SYTL3: variants seen among roughly 807,000 people sequenced by gnomAD.
The protein encoded by SYTL3 is synaptotagmin-like protein 3.
Under a neutral mutation model 82.1 loss-of-function variants are expected in SYTL3, and 88 were observed. That is an observed-to-expected ratio of 1.07 (90% CI 0.90 to 1.28). SYTL3 has a LOEUF of 1.28. Among genes scored for constraint, SYTL3 ranks in the 50% most tolerant of loss-of-function variants. SYTL3 has a pLI of 0.00. For synonymous variants in SYTL3, 311 were observed against 289.4 expected, an observed-to-expected ratio of 1.07 and a Z score of -0.76; for missense variants, 831 against 757.6, an observed-to-expected ratio of 1.10 and a Z score of -1.14.
chr6:158,665,497 G>T lies in SYTL3; in HGVS notation c.213G>T (p.Gly71=). ...GTGCGCGCTGCCAGCAGGTGCTGGG[G>T]TTCCTGCTGCACCGGGGCGCCGTGT... ...KCCARCQQVL[G]FLLHRGAVCR... The change falls in exon 5 of 18, where the codon GGG becomes GGT. Residue 71 remains glycine (G), a synonymous_variant. Transcript: ENST00000611299. 3 of 1,603,148 alleles carry T rather than the reference G, an allele frequency of 1.9e-6. No homozygotes were observed. The highest frequency in any genetic ancestry group is 2.6e-6 in the Non-Finnish European group (3 of 1,175,170).
Position 158,764,840 on chromosome 6 carries a change from G to C in SYTL3, c.*236G>C, listed in dbSNP as rs1790598649. On this transcript the variant is annotated 3_prime_UTR_variant, in exon 18 of 18. Transcript: ENST00000611299. ...TCTCCTCTTTGAGATGTAGAAAATG[G>C]CCAGATTTTAATAAACGTTGTTACC... is the stretch of plus-strand genomic sequence containing the variant. 2.5e-6 allele frequency: 1 copy of C among 401,734 alleles called. No individual in the cohort carries two copies. Among genetic ancestry groups the C allele is most frequent in the South Asian group, 5.3e-5 (1 of 18,778 alleles). 24.9% of individuals were successfully genotyped at this position (401,734 alleles called of 1,614,324 possible).
At chr6:158,661,796 T>C (rs896556770) in intron 3 of SYTL3, among the ~76,000 whole-genome samples, 1 of 152,250 alleles carries the variant, frequency 6.6e-6, no homozygotes, top group African/African-American at 2.4e-5. Context: ...CCACATGATA[T>C]GTTGTAGCTA....
At chr6:158,677,304 G>T (rs1281456884) in intron 5 of SYTL3, among the ~76,000 whole-genome samples, 1 of 152,052 alleles carries the variant, frequency 6.6e-6, no homozygotes, top group Non-Finnish European at 1.5e-5. Flanking sequence ...ACTATCTCAA[G>T]GACAAAAAAC....
In SYTL3 at chr6:158,718,190, T is replaced by C; in HGVS notation, c.699T>C (p.Thr233=). 3.2e-6 allele frequency: 5 copies of C among 1,540,624 alleles called. No individual in the cohort carries two copies. The African/African-American group carries it at 4.1e-5, about 13-fold the overall frequency. Residue 233 remains threonine (T), a synonymous_variant, in exon 10 of 18, where the codon ACT becomes ACC. Transcript: ENST00000611299. ...GQTERRSQSD[T]AVNVTTRKVS... is the part of the protein sequence containing the mutation. ...CAGAGAGACGGAGCCAGTCTGACAC[T>C]GCGGTCAACGTCACCACCAGGGTAC...
intron 11 of SYTL3, among the ~76,000 whole-genome samples, chr6:158,734,706 T>A (rs1018079423): frequency 1.3e-5 from 2 of 152,168 alleles, no homozygotes; most frequent in Non-Finnish European, 2.9e-5. Context: ...GCTATAGAGT[T>A]GGCTCATCTG....
At chr6:158,727,592 G>A (rs1034008096) in intron 11 of SYTL3, among the ~76,000 whole-genome samples, 4 of 152,142 alleles carry the variant, frequency 2.6e-5, no homozygotes, top group African/African-American at 4.8e-5. Context: ...GGGCCTGGCC[G>A]GAAAAGTGTT....
chr6:158,700,589 G>T (rs960471174), intron 6 of SYTL3, among the ~76,000 whole-genome samples: 1 of 151,914 alleles, frequency 6.6e-6, no homozygotes, highest in African/African-American at 2.4e-5. Context: ...TTAAAATAGT[G>T]TTGGTTGCTA....
At chr6:158,704,375 G>T (rs1234705784) in intron 6 of SYTL3, among the ~76,000 whole-genome samples, 1 of 152,242 alleles carries the variant, frequency 6.6e-6, no homozygotes, top group Non-Finnish European at 1.5e-5. Context: ...CAGCCGGCAG[G>T]GGGCAGCAGA....
In SYTL3 at chr6:158,757,283, C is replaced by A. The variant is rs960014335; in HGVS notation, c.1210C>A (p.Arg404=). The change falls in exon 14 of 18, where the codon CGG becomes AGG. Residue 404 remains arginine (R), a synonymous_variant. Transcript: ENST00000611299. ...GGTGTGGCATCTGGGCACGCTGGCC[C>A]GGAGAGTGTTTCTTGGAGAAGTGAT... ...VSVWHLGTLA[R]RVFLGEVIIP... 6.2e-7 allele frequency: 1 copy of A among 1,613,652 alleles called. No homozygotes were observed. Among genetic ancestry groups the A allele is most frequent in the Admixed American group, 1.7e-5 (1 of 60,014 alleles).
chr6:158,701,815 G>A (rs1179799426), intron 6 of SYTL3, among the ~76,000 whole-genome samples: 1 of 151,896 alleles, frequency 6.6e-6, no homozygotes, highest in Non-Finnish European at 1.5e-5. Flanking sequence ...GTGTCAGTGG[G>A]GCCATGCTTC....
At chr6:158,646,846 G>A (rs945115003), upstream of SYTL3, among the ~76,000 whole-genome samples, 1 of 152,118 alleles carries the variant, frequency 6.6e-6, no homozygotes, top group African/African-American at 2.4e-5. Flanking sequence ...GCCCTTCTCA[G>A]TATCACCTGA....
At chr6:158,692,089 C>T (rs910720590) in intron 6 of SYTL3, among the ~76,000 whole-genome samples, 2 of 147,264 alleles carry the variant, frequency 1.4e-5, no homozygotes, top group Non-Finnish European at 3.0e-5. Flanking sequence ...AACCCCGTCT[C>T]TACTAAAAAT....
intron 13 of SYTL3, among the ~76,000 whole-genome samples, chr6:158,754,163 A>G (rs1048619262): frequency 2.0e-5 from 3 of 152,186 alleles, no homozygotes; most frequent in Non-Finnish European, 2.9e-5. Context: ...AGAGAAGTGC[A>G]CATCAAATGC....
In SYTL3 at chr6:158,651,848, C is replaced by A. The variant is rs1222368625; in HGVS notation, c.-637+6C>A. ...TCAACTTTGTCCTCTCTCAGGTAGGCTTCAAGTTTTATAGATTCAAGCCCA... is the reference window on the plus strand; with the variant it reads ...TCAACTTTGTCCTCTCTCAGGTAGGATTCAAGTTTTATAGATTCAAGCCCA... On this transcript the variant is annotated splice_donor_region_variant and intron_variant, in intron 2 of 17. Coordinates refer to ENST00000611299, the MANE Select transcript of SYTL3 (RefSeq NM_001242394.2). 1.3e-5 allele frequency: 2 copies of A among 151,824 alleles called. No individual in the cohort carries two copies. The highest frequency in any genetic ancestry group is 3.8e-4 in the East Asian group (2 of 5,200). 9.4% of individuals were successfully genotyped at this position (151,824 alleles called of 1,614,324 possible).
At chr6:158,715,803 C>T (rs1314240899) in intron 9 of SYTL3, among the ~76,000 whole-genome samples, 5 of 152,016 alleles carry the variant, frequency 3.3e-5, no homozygotes, top group Non-Finnish European at 7.4e-5. Context: ...GTCTCTGCCA[C>T]AGGACACTTA....
At chr6:158,656,149 G>C (rs1462838559) in intron 2 of SYTL3, among the ~76,000 whole-genome samples, 1 of 152,178 alleles carries the variant, frequency 6.6e-6, no homozygotes, top group Non-Finnish European at 1.5e-5. Flanking sequence ...TCCCACCTCA[G>C]TATTGTCACA....
intron 6 of SYTL3, among the ~76,000 whole-genome samples, chr6:158,701,473 ACT>A (rs1781268700): frequency 8.4e-6 from 1 of 118,432 alleles, no homozygotes. Context: ...TACATGAAGG[ACT>A]GTCTGGGGGG....
chr6:158,740,480 A>G (rs936754776), intron 11 of SYTL3, among the ~76,000 whole-genome samples: 4 of 152,120 alleles, frequency 2.6e-5, no homozygotes, highest in African/African-American at 9.7e-5. Flanking sequence ...AGGATCACCC[A>G]TGAGTCTATT....
At chr6:158,691,488 C>T (rs1353565083) in intron 6 of SYTL3, among the ~76,000 whole-genome samples, 1 of 152,084 alleles carries the variant, frequency 6.6e-6, no homozygotes, top group African/African-American at 2.4e-5. Context: ...GAAAATTCAT[C>T]TCTCCTCTTT....
Sources: allele counts gnomAD v4.1 joint callset (sites outside exome capture counted in the v4.1 genomes callset), GRCh38; gene constraint gnomAD v4.1.1; transcripts MANE v1.5; gene names NCBI Gene and HGNC (gene_info 2026-07-23, HGNC 2026-07-21).